ATP8A1: variants seen among roughly 807,000 people sequenced by gnomAD.
ATP8A1 encodes phospholipid-transporting ATPase IA.
In ATP8A1, 90 loss-of-function variants were observed where a neutral mutation model predicts 177.7. The ratio of observed to expected loss-of-function variants is 0.51; its 90% CI spans 0.43 to 0.60. The LOEUF is 0.60. Among genes scored for constraint, ATP8A1 ranks in the 20% least tolerant of loss-of-function variants. ATP8A1 has a pLI of 0.00. For missense variants in ATP8A1, 1,072 were observed against 1,392.8 expected (o/e 0.77, Z 3.67); for synonymous variants, 493 against 485.9 (o/e 1.01, Z -0.19).
intron 35 of ATP8A1, among the ~76,000 whole-genome samples, chr4:42,420,257 T>C (rs928708929): frequency 6.6e-6 from 1 of 152,200 alleles, no homozygotes. Flanking sequence ...GTTACACTGA[T>C]CATTAACCTT....
chr4:42,461,249 T>TC (rs1334206198), intron 27 of ATP8A1, among the ~76,000 whole-genome samples: 2 of 21,552 alleles, frequency 9.3e-5, no homozygotes, highest in African/African-American at 3.7e-4. Flanking sequence ...TTTTTCTTTC[T>TC]TTTTTTTTTT....
At chr4:42,544,938 G>T (rs1728742485) in intron 19 of ATP8A1, among the ~76,000 whole-genome samples, 1 of 152,030 alleles carries the variant, frequency 6.6e-6, no homozygotes, top group Non-Finnish European at 1.5e-5. Flanking sequence ...GAGGCGGGCG[G>T]ATCACAAGGT....
intron 27 of ATP8A1, 131 bp downstream of exon 27, chr4:42,464,559 A>T: frequency 1.7e-6 from 1 of 588,684 alleles, no homozygotes; most frequent in Non-Finnish European, 2.9e-6. Context: ...TTTTTGTTTT[A>T]ATACATTTAG....
At chr4:42,555,341 ATT>A (rs1372940820) in intron 16 of ATP8A1, among the ~76,000 whole-genome samples, 5 of 152,090 alleles carry the variant, frequency 3.3e-5, no homozygotes, top group African/African-American at 1.2e-4. Context: ...TCTATAAGTT[ATT>A]TCGATAACTT....
At chr4:42,579,568 T>C (rs991743158) in intron 11 of ATP8A1, among the ~76,000 whole-genome samples, 2 of 151,910 alleles carry the variant, frequency 1.3e-5, no homozygotes, top group Non-Finnish European at 2.9e-5. Context: ...TAAATGACTA[T>C]ACTTAGTGAA....
chr4:42,615,441 C>T (rs1387262294), intron 5 of ATP8A1, among the ~76,000 whole-genome samples: 3 of 151,656 alleles, frequency 2.0e-5, no homozygotes, highest in Admixed American at 1.3e-4. Context: ...TTCTCACATT[C>T]CTGGGCATTA....
chr4:42,431,931 G>A (rs890462483), intron 33 of ATP8A1, among the ~76,000 whole-genome samples: 1 of 152,184 alleles, frequency 6.6e-6, no homozygotes, highest in Non-Finnish European at 1.5e-5. Flanking sequence ...CAAGTTTGCA[G>A]GTATTGTTTC....
intron 1 of ATP8A1, among the ~76,000 whole-genome samples, chr4:42,643,763 G>C (rs922756225): frequency 7.2e-5 from 11 of 152,130 alleles, no homozygotes; most frequent in African/African-American, 2.4e-4. Context: ...ATGATTCGCT[G>C]GTAGGTATTA....
In ATP8A1 at chr4:42,412,964, T is replaced by C. The variant is rs1560296925; in HGVS notation, c.3447A>G (p.Glu1149=). The C allele has an allele frequency of 6.2e-7, 1 of 1,613,404 alleles. No individual in the cohort carries two copies. The highest frequency in any genetic ancestry group is 8.5e-7 in the Non-Finnish European group (1 of 1,179,636). Reference sequence around the variant, plus strand: ...TCGTGGTATCATATGCTCTTATCACTTCAGACTGTGAAACGATTCCATTTT... The same window carrying C: ...TCGTGGTATCATATGCTCTTATCACCTCAGACTGTGAAACGATTCCATTTT... The part of the protein sequence containing the change: ...QDENGIVSQS[E]VIRAYDTTKQ... Residue 1149 remains glutamate, a synonymous_variant, in exon 37 of 37, where the codon GAA becomes GAG. Transcript: ENST00000381668.
chr4:42,421,753 G>C (rs190488208), intron 35 of ATP8A1, among the ~76,000 whole-genome samples: 1 of 152,124 alleles, frequency 6.6e-6, no homozygotes, highest in East Asian at 1.9e-4. Context: ...ACATATACTA[G>C]GGTAAAATAT....
intron 17 of ATP8A1, 103 bp from the exon 18 acceptor site, chr4:42,551,383 G>C: frequency 1.3e-6 from 1 of 775,800 alleles, no homozygotes; most frequent in Non-Finnish European, 2.2e-6. Context: ...TTTAATTAAA[G>C]TTCTTTTTAT....
intron 20 of ATP8A1, among the ~76,000 whole-genome samples, chr4:42,534,984 G>A (rs1727638463): frequency 1.3e-5 from 2 of 152,018 alleles, no homozygotes; most frequent in African/African-American, 2.4e-5. Flanking sequence ...TACCAAGCCA[G>A]CAGTATAAGA....
At chr4:42,469,784 T>C (rs985105580) in intron 25 of ATP8A1, among the ~76,000 whole-genome samples, 1 of 152,202 alleles carries the variant, frequency 6.6e-6, no homozygotes, top group African/African-American at 2.4e-5. Context: ...GTTAAAAGAT[T>C]ACTCTACTCA....
At chr4:42,520,161 A>G (rs1725968660) in intron 22 of ATP8A1, among the ~76,000 whole-genome samples, 1 of 152,222 alleles carries the variant, frequency 6.6e-6, no homozygotes, top group African/African-American at 2.4e-5. Context: ...GAGTAAGGAT[A>G]TTAGGTACAT....
intron 1 of ATP8A1, among the ~76,000 whole-genome samples, chr4:42,647,263 A>G (rs957303667): frequency 6.6e-6 from 1 of 152,212 alleles, no homozygotes; most frequent in African/African-American, 2.4e-5. Context: ...ATGGGTTTCC[A>G]TCACAAAATT....
chr4:42,481,080 G>C (rs1721623950), intron 25 of ATP8A1, among the ~76,000 whole-genome samples: 1 of 152,188 alleles, frequency 6.6e-6, no homozygotes, highest in Admixed American at 6.5e-5. Context: ...GAGGACCTCA[G>C]AAACCACATG....
At chr4:42,528,728 C>T (rs772057594) in intron 20 of ATP8A1, among the ~76,000 whole-genome samples, 1 of 152,132 alleles carries the variant, frequency 6.6e-6, no homozygotes, top group Non-Finnish European at 1.5e-5. Context: ...TTCAGTGAGA[C>T]CTTGATTGCT....
intron 1 of ATP8A1, among the ~76,000 whole-genome samples, chr4:42,629,432 C>G (rs1460357): frequency 0.46 from 69,322 of 152,028 alleles, 15,815 homozygotes; most frequent in Middle Eastern, 0.54. Flanking sequence ...CAGAACGCTT[C>G]GCTCTGTTGT....
At chr4:42,495,246 T>G (rs1723144612) in intron 24 of ATP8A1, among the ~76,000 whole-genome samples, 1 of 152,238 alleles carries the variant, frequency 6.6e-6, no homozygotes, top group Non-Finnish European at 1.5e-5. Flanking sequence ...ACATTCTTAA[T>G]AATACATTAT....
Sources: gnomAD v4.1 joint callset for allele counts (sites outside exome capture counted in the v4.1 genomes callset) on GRCh38, gnomAD v4.1.1 for gene constraint, MANE v1.5 for transcripts, NCBI Gene and HGNC (gene_info 2026-07-23, HGNC 2026-07-21) for gene names.